ARIH2: variants seen among roughly 807,000 people sequenced by gnomAD.
The protein encoded by ARIH2 is ariadne RBR E3 ubiquitin protein ligase 2, also known as E3 ubiquitin-protein ligase ARIH2.
ARIH2 carries 12 observed loss-of-function variants against 79.8 expected under a neutral mutation model. The ratio of observed to expected loss-of-function variants is 0.15; its 90% CI spans 0.10 to 0.24. The LOEUF is 0.24. ARIH2 is among the 10% of genes least tolerant of loss of function. The probability of loss-of-function intolerance (pLI) is 1.00; values close to 1 mark genes in which losing one functional copy is unlikely to be tolerated. For missense variants in ARIH2, 301 were observed against 618.3 expected (o/e 0.49, Z 5.44); for synonymous variants, 224 against 213.9 (o/e 1.05, Z -0.41).
At chr3:48,980,553 A>T in intron 13 of ARIH2, 57 bp downstream of exon 13, 1 of 1,576,732 alleles carries the variant, frequency 6.3e-7, no homozygotes, top group Non-Finnish European at 8.6e-7. Flanking sequence ...CGTCAGGCAC[A>T]GACCTCTGAT....
At chr3:48,951,900 ATTTC>A (rs1327724822) in intron 3 of ARIH2, among the ~76,000 whole-genome samples, 3 of 151,794 alleles carry the variant, frequency 2.0e-5, no homozygotes, top group East Asian at 3.9e-4. Context: ...CTTGGATTTT[ATTTC>A]TTTCTCTTTT....
intron 5 of ARIH2, among the ~76,000 whole-genome samples, chr3:48,966,453 C>G (rs945561980): frequency 5.9e-5 from 9 of 152,144 alleles, no homozygotes; most frequent in African/African-American, 2.2e-4. Context: ...TTCTGGAGTT[C>G]ATGCTATACA....
At chr3:48,964,445 A>G (rs2091581567) in intron 4 of ARIH2, among the ~76,000 whole-genome samples, 1 of 151,718 alleles carries the variant, frequency 6.6e-6, no homozygotes, top group Non-Finnish European at 1.5e-5. Flanking sequence ...GCTCCCAAGT[A>G]GCTGGGACTA....
chr3:48,968,356 C>T (rs1182518326), intron 6 of ARIH2, 178 bp from the exon 7 acceptor site: 6 of 434,036 alleles, frequency 1.4e-5, no homozygotes, highest in Admixed American at 6.1e-5. Flanking sequence ...TACAGGCGCC[C>T]GCCACTACGC....
At chr3:48,947,929 C>G (rs991533115) in intron 3 of ARIH2, among the ~76,000 whole-genome samples, 2 of 151,976 alleles carry the variant, frequency 1.3e-5, no homozygotes, top group African/African-American at 4.8e-5. Context: ...TAAACTCATC[C>G]ATTTTATCTT....
chr3:48,953,331 T>G (rs1051153649), intron 3 of ARIH2, among the ~76,000 whole-genome samples: 3 of 152,220 alleles, frequency 2.0e-5, no homozygotes, highest in Non-Finnish European at 4.4e-5. Flanking sequence ...AATTTTTAAT[T>G]TATGATTTTG....
In ARIH2 at chr3:48,968,893, T is replaced by G. The variant is rs375534792; in HGVS notation, c.660+238T>G. 1.2e-4 allele frequency among the ~76,000 whole-genome samples: 18 copies of G among 152,286 alleles called. No homozygotes were observed. In the East Asian group the frequency reaches 2.5e-3, roughly 21 times the overall value. On this transcript the variant is annotated intron_variant, in intron 7 of 15. Transcript: ENST00000356401. ...ACTTCCTTTCTTTGTGACCACTCTT[T>G]TTTTTGCGTGTGTGACTGCCTTGCT...
intron 3 of ARIH2, among the ~76,000 whole-genome samples, chr3:48,930,930 A>G (rs1298825797): frequency 6.6e-6 from 1 of 152,180 alleles, no homozygotes; most frequent in African/African-American, 2.4e-5. Flanking sequence ...AAACTATCCA[A>G]GTTTGAGGAG....
intron 3 of ARIH2, among the ~76,000 whole-genome samples, chr3:48,948,232 A>G (rs555808794): frequency 2.0e-4 from 30 of 150,880 alleles, no homozygotes; most frequent in African/African-American, 6.8e-4. Context: ...AAGTGCTGGG[A>G]TTACCGGCGT....
At position 48,978,506 on chromosome 3, in the gene ARIH2, C is replaced by T. The variant is rs1342255236; in HGVS notation, c.962-976C>T. Among the ~76,000 whole-genome samples the T allele has an allele frequency of 3.2e-5, 4 of 126,786 alleles. 1 individual carries two copies. Among genetic ancestry groups the T allele is most frequent in the Admixed American group, 2.7e-4 (3 of 11,276 alleles). 83.2% of individuals were successfully genotyped at this position (126,786 alleles called of 152,430 possible). A position where few individuals can be genotyped will look rare whatever the true frequency, so the allele number is the denominator to read the frequency against. ...ATATTTTTTTTTTTTTTGGTAGAGA[C>T]GGGTGTTTCACCATGTTGGCCAGGC... On this transcript the variant is annotated intron_variant, in intron 11 of 15. Transcript: ENST00000356401.
intron 3 of ARIH2, among the ~76,000 whole-genome samples, chr3:48,941,858 C>T (rs2088318243): frequency 6.6e-6 from 1 of 151,398 alleles, no homozygotes; most frequent in African/African-American, 2.4e-5. Flanking sequence ...GCTGAGATTA[C>T]AGGCGTGAGC....
At chr3:48,950,545 A>G (rs929923007) in intron 3 of ARIH2, among the ~76,000 whole-genome samples, 3 of 152,208 alleles carry the variant, frequency 2.0e-5, no homozygotes, top group African/African-American at 7.2e-5. Flanking sequence ...TTTTGCAATC[A>G]ACTATTAATT....
rs572425174 is a variant in ARIH2, at chr3:48,974,526, T to C, written c.889-291T>C. The C allele has an allele frequency of 2.5e-4, 122 of 484,242 alleles. 1 individual carries two copies. The South Asian group carries it at 2.9e-3, about 11-fold the overall frequency. 30.0% of individuals were successfully genotyped at this position (484,242 alleles called of 1,614,324 possible). On this transcript the variant is annotated intron_variant, in intron 9 of 15. Transcript: ENST00000356401. ...GCAGTCCTCTCAAGAAGGCAGGCTT[T>C]CTGCTGATTCAACTTGTGCTTAATC...
chr3:48,950,477 T>C (rs2089806848), intron 3 of ARIH2, among the ~76,000 whole-genome samples: 1 of 152,228 alleles, frequency 6.6e-6, no homozygotes, highest in Non-Finnish European at 1.5e-5. Context: ...GTCTTTCAAC[T>C]TTGCTCTTTT....
chr3:48,940,759 C>A (rs1335213397), intron 3 of ARIH2, among the ~76,000 whole-genome samples: 10 of 136,546 alleles, frequency 7.3e-5, no homozygotes. Flanking sequence ...TGCACCACTG[C>A]ACTTCAGCCT....
chr3:48,980,600 C>T, intron 13 of ARIH2, 104 bp downstream of exon 13: 2 of 1,314,306 alleles, frequency 1.5e-6, no homozygotes, highest in Non-Finnish European at 2.1e-6. Flanking sequence ...ATTTTAGCAC[C>T]CTGTGCAGCC....
chr3:48,981,596 C>A, intron 13 of ARIH2, 64 bp from the exon 14 acceptor site: 1 of 1,406,754 alleles, frequency 7.1e-7, no homozygotes, highest in Non-Finnish European at 1.0e-6. Flanking sequence ...ATTGTAAGAG[C>A]CACCTGAGAT....
rs2091860175 is a variant in ARIH2 at position 48,967,221 on chromosome 3, C to T, written c.484C>T (p.Arg162Cys). Residue 162 changes from arginine (R) to cysteine (C), a missense_variant, in exon 6 of 16, where the codon CGC becomes TGC. Physicochemically the swap from Arg to Cys is radical, Grantham distance 180. Coordinates refer to ENST00000356401, the MANE Select transcript of ARIH2 (RefSeq NM_006321.4). ...LSLACQHQFC[R>C]SCWEQHCSVL... ...TCTGGCCTGTCAGCACCAGTTTTGCCGCAGCTGCTGGGAGCAGCACTGCTC... is the reference window on the plus strand; with the variant it reads ...TCTGGCCTGTCAGCACCAGTTTTGCTGCAGCTGCTGGGAGCAGCACTGCTC... 3.1e-6 allele frequency: 5 copies of T among 1,614,190 alleles called. No homozygotes were observed. Among genetic ancestry groups the T allele is most frequent in the Non-Finnish European group, 4.2e-6 (5 of 1,180,026 alleles).
intron 3 of ARIH2, among the ~76,000 whole-genome samples, chr3:48,950,145 T>C (rs2089763895): frequency 6.6e-6 from 1 of 152,198 alleles, no homozygotes; most frequent in South Asian, 2.1e-4. Flanking sequence ...GTTTGTTATG[T>C]ATAAACAATT....
Sources: allele counts gnomAD v4.1 joint callset (sites outside exome capture counted in the v4.1 genomes callset), GRCh38; gene constraint gnomAD v4.1.1; transcripts MANE v1.5; gene names NCBI Gene and HGNC (gene_info 2026-07-23, HGNC 2026-07-21).